Variants in SRSF11 observed in about 807,000 individuals in gnomAD.
SRSF11 encodes serine and arginine rich splicing factor 11, also known as serine/arginine-rich splicing factor 11.
SRSF11 carries 9 observed loss-of-function variants against 56.0 expected under a neutral mutation model. The ratio of observed to expected loss-of-function variants is 0.16; its 90% CI spans 0.10 to 0.28. The LOEUF (loss-of-function observed/expected upper bound fraction) is 0.28. SRSF11 is among the 10% of genes least tolerant of loss of function. The pLI, the probability that SRSF11 is intolerant of heterozygous loss-of-function variation, is 1.00. For missense variants in SRSF11, 421 were observed against 600.7 expected, an observed-to-expected ratio of 0.70 and a Z score of 3.13; for synonymous variants, 222 against 215.3, an observed-to-expected ratio of 1.03 and a Z score of -0.27.
chr1:70,216,906 T>A (rs1421003910), upstream of SRSF11, among the ~76,000 whole-genome samples: 1 of 152,234 alleles, frequency 6.6e-6, no homozygotes, highest in Non-Finnish European at 1.5e-5. Flanking sequence ...CTGGAATGCA[T>A]TCACTTCACA....
intron 4 of SRSF11, 149 bp downstream of exon 4, chr1:70,234,937 C>T: frequency 3.4e-6 from 2 of 589,950 alleles, no homozygotes; most frequent in Non-Finnish European, 5.9e-6. Flanking sequence ...TAAACAGTCA[C>T]TGAATGACTA....
chr1:70,237,571 A>G lies in SRSF11; in HGVS notation c.718+19A>G, dbSNP rs192338704. ...GAACCAGGTAAACAATGTTTATGCA[A>G]TTTTGTTGTGTGATTCTTAGCAAAA... On this transcript the variant is annotated intron_variant, in intron 6 of 11. Transcript: ENST00000370949. 1.1e-4 allele frequency: 176 copies of G among 1,606,444 alleles called. 1 individual carries two copies. In the African/African-American group the frequency reaches 1.9e-3, roughly 17 times the overall value.
chr1:70,229,779 G>C, intron 2 of SRSF11: 7 of 983,952 alleles, frequency 7.1e-6, no homozygotes, highest in Non-Finnish European at 8.4e-6. Flanking sequence ...GTTGCCTCTG[G>C]TTTTCTAAAG....
At chr1:70,244,329 C>T (rs1455707616) in intron 7 of SRSF11, among the ~76,000 whole-genome samples, 1 of 151,834 alleles carries the variant, frequency 6.6e-6, no homozygotes, top group Non-Finnish European at 1.5e-5. Flanking sequence ...GAAATACATG[C>T]TAAAATGCTA....
intron 5 of SRSF11, among the ~76,000 whole-genome samples, chr1:70,236,061 T>C (rs1673925633): frequency 6.6e-6 from 1 of 152,172 alleles, no homozygotes; most frequent in African/African-American, 2.4e-5. Context: ...CTTTATACCT[T>C]TTCCCCTTAA....
upstream of SRSF11, chr1:70,218,698 A>G (rs1425640854): frequency 6.6e-6 from 1 of 152,240 alleles, no homozygotes; most frequent in East Asian, 1.9e-4. Flanking sequence ...CGTGGCATAT[A>G]GTAGGCACTC....
At position 70,250,906 on chromosome 1, in the gene SRSF11, C is replaced by T. The variant is rs1677854597; in HGVS notation, c.*101C>T. On this transcript the variant is annotated 3_prime_UTR_variant, in exon 12 of 12. Transcript: ENST00000370949. ...TGTTCATCTCAAACCTAGATGTATA[C>T]AGCTCTGAGTTATAAATGGTTATAA... 1 of 1,013,518 alleles carries T rather than the reference C, an allele frequency of 9.9e-7. No homozygotes were observed. The highest frequency in any genetic ancestry group is 1.5e-6 in the Non-Finnish European group (1 of 667,112). 62.8% of individuals were successfully genotyped at this position (1,013,518 alleles called of 1,614,324 possible). A position where few individuals can be genotyped will look rare whatever the true frequency, so the allele number is the denominator to read the frequency against.
At chr1:70,237,640 G>C (rs184501239) in intron 6 of SRSF11, 88 bp downstream of exon 6, 139 of 1,538,408 alleles carry the variant, frequency 9.0e-5, no homozygotes, top group Admixed American at 1.3e-4. Flanking sequence ...TGACACCCTA[G>C]TCGTTTAAAA....
chr1:70,239,387 T>C (rs889283150), intron 6 of SRSF11, 52 bp from the exon 7 acceptor site: 14 of 1,315,152 alleles, frequency 1.1e-5, no homozygotes, highest in Non-Finnish European at 1.5e-5. Context: ...CCACTGCGTC[T>C]GGCCCCTATT....
At chr1:70,232,227 TAGAAA>T in intron 2 of SRSF11, 36 bp from the exon 3 acceptor site, 1 of 1,614,140 alleles carries the variant, frequency 6.2e-7, no homozygotes, top group Non-Finnish European at 8.5e-7. Context: ...TTTTCTGTCT[TAGAAA>T]AGAATGTGTT....
chr1:70,233,396 T>C (rs955587389), intron 3 of SRSF11, among the ~76,000 whole-genome samples: 4 of 152,062 alleles, frequency 2.6e-5, no homozygotes, highest in African/African-American at 9.7e-5. Context: ...CATGCCACCA[T>C]GCCTGACTAA....
chr1:70,212,492 G>A (rs1669649912), intron 1 of SRSF11, among the ~76,000 whole-genome samples: 1 of 152,086 alleles, frequency 6.6e-6, no homozygotes, highest in South Asian at 2.1e-4. Flanking sequence ...CCTGACCTCA[G>A]GTGATCCACC....
intron 2 of SRSF11, chr1:70,228,819 C>T: frequency 8.9e-7 from 1 of 1,119,934 alleles, no homozygotes; most frequent in African/African-American, 1.6e-5. Context: ...ATTGTAACTC[C>T]CTGAGATACA....
At chr1:70,225,451 T>C (rs191433092) in intron 1 of SRSF11, among the ~76,000 whole-genome samples, 9 of 152,282 alleles carry the variant, frequency 5.9e-5, no homozygotes, top group Admixed American at 1.3e-4. Context: ...ACACACCTCC[T>C]TTTGTGGGTT....
In SRSF11 at chr1:70,244,732, T is replaced by A. The variant is rs779191803; in HGVS notation, c.849T>A (p.Ser283Arg). The A allele has an allele frequency of 6.2e-7, 1 of 1,613,816 alleles. No individual in the cohort carries two copies. Among genetic ancestry groups the A allele is most frequent in the Admixed American group, 1.7e-5 (1 of 59,976 alleles). ...GGCGGTCACATTCTAAGTCTAGGAG[T>A]CGGCGACGATCCAAAAGCCCAAGGC... is the stretch of plus-strand genomic sequence containing the variant. ...SRRRSHSKSR[S>R]RRRSKSPRRR... Residue 283 changes from serine (S) to arginine (R), a missense_variant, in exon 8 of 12, where the codon AGT (serine) becomes AGA (arginine). By Grantham distance (110) the Ser-to-Arg change is moderately radical. Coordinates refer to ENST00000370949, the MANE Select transcript of SRSF11 (RefSeq NM_001350605.2).
At chr1:70,205,835 T>C (rs1668953402) in intron 1 of SRSF11, 1 of 276,776 alleles carries the variant, frequency 3.6e-6, no homozygotes, top group African/African-American at 2.2e-5. Context: ...TTTGCACTGT[T>C]ACTGCGACTC....
intron 1 of SRSF11, among the ~76,000 whole-genome samples, chr1:70,223,817 G>C (rs973687991): frequency 6.6e-6 from 1 of 151,974 alleles, no homozygotes; most frequent in African/African-American, 2.4e-5. Flanking sequence ...TGGTCCACAG[G>C]GTTCATCATT....
chr1:70,245,490 T>C (rs1457308065), intron 8 of SRSF11, among the ~76,000 whole-genome samples: 1 of 152,210 alleles, frequency 6.6e-6, no homozygotes, highest in Non-Finnish European at 1.5e-5. Flanking sequence ...ACAAGGTAGA[T>C]TAATAGAACA....
Position 70,221,784 on chromosome 1 carries a change from C to T in SRSF11, c.148C>T (p.Arg50Trp), listed in dbSNP as rs774539397. Residue 50 changes from arginine (R) to tryptophan (W), a missense_variant, in exon 1 of 12, where the codon CGG becomes TGG. Transcript: ENST00000370949. ...CCCGAGCGCTAGCTCTGAGCAGATG[C>T]GGACTCTCTTCGGTTTCCTAGGCAA... ...VSPSASSEQM[R>W]TLFGFLGKID... The T allele has an allele frequency of 2.5e-6, 4 of 1,614,124 alleles. No homozygotes were observed. The Admixed American group carries it at 5.0e-5, about 20-fold the overall frequency.
Sources: allele counts gnomAD v4.1 joint callset (sites outside exome capture counted in the v4.1 genomes callset), GRCh38; gene constraint gnomAD v4.1.1; transcripts MANE v1.5; gene names NCBI Gene and HGNC (gene_info 2026-07-23, HGNC 2026-07-21).